The following PTPRA variants were observed in gnomAD, a reference collection of about 807,000 sequenced individuals.
PTPRA encodes protein tyrosine phosphatase receptor type A.
A neutral mutation model predicts 104.8 loss-of-function variants in PTPRA; 25 were observed. The observed-to-expected ratio is 0.24, with a 90% CI of 0.17 to 0.33. The LOEUF (loss-of-function observed/expected upper bound fraction) is 0.33. Among genes scored for constraint, PTPRA ranks in the 10% least tolerant of loss-of-function variants. PTPRA has a pLI of 1.00. For missense variants in PTPRA, 765 were observed against 1,015.3 expected (o/e 0.75, Z 3.35); for synonymous variants, 323 against 368.9 (o/e 0.88, Z 1.43).
intron 11 of PTPRA, among the ~76,000 whole-genome samples, chr20:3,011,218 A>G (rs2064154449): frequency 6.6e-6 from 1 of 152,230 alleles, no homozygotes; most frequent in Non-Finnish European, 1.5e-5. Context: ...GGGGGACCTT[A>G]TGAACTCAGT....
rs769729759 is a variant in PTPRA at position 2,965,140 on chromosome 20, C to A, written c.353C>A (p.Thr118Lys). 1.2e-6 allele frequency: 2 copies of A among 1,614,198 alleles called. No individual in the cohort carries two copies. Among genetic ancestry groups the A allele is most frequent in the Non-Finnish European group, 1.7e-6 (2 of 1,180,022 alleles). Reference sequence around the variant, plus strand: ...GATAACCAGTTCACGGATGCCAGAACAGAACCCTGGGAGGGGAATTCCAGC... The same window carrying A: ...GATAACCAGTTCACGGATGCCAGAAAAGAACCCTGGGAGGGGAATTCCAGC... ...LPDNQFTDAR[T>K]EPWEGNSSTA... Residue 118 changes from threonine to lysine, a missense_variant, in exon 5 of 24, where the codon ACA becomes AAA. Around this residue, in one of 4 missense-constraint regions of PTPRA, gnomAD observed 256 missense variants for 248.9 expected, o/e 1.03. Coordinates refer to ENST00000399903, the MANE Select transcript of PTPRA (RefSeq NM_001385305.1).
At chr20:2,973,353 T>C (rs925477643) in intron 5 of PTPRA, among the ~76,000 whole-genome samples, 2 of 152,238 alleles carry the variant, frequency 1.3e-5, no homozygotes, top group African/African-American at 4.8e-5. Flanking sequence ...TTAACATATT[T>C]AGTGCTGTGA....
chr20:2,980,593 T>A (rs2148073446), intron 6 of PTPRA, among the ~76,000 whole-genome samples: 1 of 151,872 alleles, frequency 6.6e-6, no homozygotes, highest in East Asian at 1.9e-4. Context: ...CTCACGCACA[T>A]AATCATAGCA....
chr20:2,937,344 C>T (rs1360606529), intron 2 of PTPRA, among the ~76,000 whole-genome samples: 2 of 151,938 alleles, frequency 1.3e-5, no homozygotes, highest in African/African-American at 2.4e-5. Flanking sequence ...AGGATGGTCT[C>T]GATTTCCTGA....
intron 2 of PTPRA, among the ~76,000 whole-genome samples, chr20:2,927,017 C>G (rs1010947349): frequency 2.0e-5 from 3 of 152,018 alleles, no homozygotes; most frequent in Non-Finnish European, 4.4e-5. Flanking sequence ...TCTCAAACTT[C>G]TGGCCTCAAG....
At chr20:2,913,903 G>A (rs2059806923) in intron 1 of PTPRA, among the ~76,000 whole-genome samples, 1 of 151,928 alleles carries the variant, frequency 6.6e-6, no homozygotes, top group Non-Finnish European at 1.5e-5. Flanking sequence ...AAATTTTTTT[G>A]CTGGATTATT....
chr20:2,949,909 T>C (rs1239148291), intron 3 of PTPRA, among the ~76,000 whole-genome samples: 1 of 152,172 alleles, frequency 6.6e-6, no homozygotes, highest in Non-Finnish European at 1.5e-5. Flanking sequence ...AAAATATCCT[T>C]GTATATCTTG....
At chr20:3,001,301 AAC>A (rs2063614911) in intron 9 of PTPRA, among the ~76,000 whole-genome samples, 1 of 152,198 alleles carries the variant, frequency 6.6e-6, no homozygotes, top group Non-Finnish European at 1.5e-5. Context: ...TCTCTTGTTA[AAC>A]AATGGCTCCT....
rs138893918 is a variant in PTPRA, at chr20:3,001,160, C to T, written c.739-3896C>T. 7.0e-4 allele frequency among the ~76,000 whole-genome samples: 107 copies of T among 152,330 alleles called. 1 individual carries two copies. The East Asian group carries it at 0.019, about 27-fold the overall frequency. ...TTCTGCTCTAGCTGCTCCTTCCTAGCTCTGTGAGCTAGGTTTTTCAGAGTA... is the reference window on the plus strand; with the variant it reads ...TTCTGCTCTAGCTGCTCCTTCCTAGTTCTGTGAGCTAGGTTTTTCAGAGTA... On this transcript the variant is annotated intron_variant, in intron 9 of 23. Coordinates refer to ENST00000399903, the MANE Select transcript of PTPRA (RefSeq NM_001385305.1).
intron 1 of PTPRA, among the ~76,000 whole-genome samples, chr20:2,888,853 G>A (rs1181304217): frequency 6.6e-6 from 1 of 152,188 alleles, no homozygotes; most frequent in African/African-American, 2.4e-5. Context: ...AGATAGGAGA[G>A]TTTTATGTTT....
At position 2,923,263 on chromosome 20, in the gene PTPRA, A is replaced by G. The variant is rs2060162721; in HGVS notation, c.-72A>G. On this transcript the variant is annotated 5_prime_UTR_variant, in exon 2 of 24. It removes an upstream start codon present in the reference 5' UTR. Transcript: ENST00000399903. ...ATGGAATTCCACTGAGTGGTAATGG[A>G]TGATGCAGTTCAAATAACTAAGGTA... 2 of 1,286,052 alleles carry G rather than the reference A, an allele frequency of 1.6e-6. No homozygotes were observed. The highest frequency in any genetic ancestry group is 2.0e-6 in the Non-Finnish European group (2 of 987,384). 79.7% of individuals were successfully genotyped at this position (1,286,052 alleles called of 1,614,324 possible).
intron 2 of PTPRA, among the ~76,000 whole-genome samples, chr20:2,927,758 C>G (rs1299712242): frequency 6.6e-6 from 1 of 152,132 alleles, no homozygotes; most frequent in Non-Finnish European, 1.5e-5. Context: ...GCCTGTAACC[C>G]CAGCACTTTG....
At chr20:3,029,528 G>T (rs1315935674) in intron 20 of PTPRA, among the ~76,000 whole-genome samples, 2 of 82,388 alleles carry the variant, frequency 2.4e-5, no homozygotes, top group Non-Finnish European at 4.6e-5. Context: ...ATACTTTGTA[G>T]GTCTTCATCA....
At chr20:2,988,269 C>T (rs1310298180) in intron 8 of PTPRA, 69 bp from the exon 9 acceptor site, 5 of 1,557,188 alleles carry the variant, frequency 3.2e-6, no homozygotes, top group African/African-American at 1.4e-5. Flanking sequence ...GGTAGAACCC[C>T]GTTTAGCCTC....
At position 2,879,964 on chromosome 20, in the gene PTPRA, A is replaced by G. The variant is rs147957589; in HGVS notation, c.-129+6204A>G. Among the ~76,000 whole-genome samples the G allele has an allele frequency of 2.7e-3, 406 of 152,310 alleles. 3 individuals carry two copies. The highest frequency in any genetic ancestry group is 8.7e-3 in the African/African-American group (361 of 41,572). ...CCATTGTTAAGTGATGCATACCTGTATATATATTTTAACTCCCCAGGTGAT... is the reference window on the plus strand; with the variant it reads ...CCATTGTTAAGTGATGCATACCTGTGTATATATTTTAACTCCCCAGGTGAT... On this transcript the variant is annotated intron_variant, in intron 1 of 23. Transcript: ENST00000399903.
intron 13 of PTPRA, among the ~76,000 whole-genome samples, chr20:3,019,798 G>T: frequency 1.3e-5 from 2 of 152,150 alleles, no homozygotes; most frequent in Admixed American, 6.5e-5. Flanking sequence ...AGCACTGAGT[G>T]AACGAGACTC....
intron 9 of PTPRA, among the ~76,000 whole-genome samples, chr20:2,994,159 A>G (rs2063304019): frequency 6.6e-6 from 1 of 152,314 alleles, no homozygotes; most frequent in East Asian, 1.9e-4. Context: ...GCCATGGCAA[A>G]TATCTGCAGA....
intron 1 of PTPRA, among the ~76,000 whole-genome samples, chr20:2,910,593 TTTTTTTGTTTTTTTTAA>T (rs2059680933): frequency 3.1e-5 from 4 of 127,100 alleles, no homozygotes; most frequent in Non-Finnish European, 4.8e-5. Context: ...TTTTTTGTTT[TTTTTTTGTTTTTTTTAA>T]TTTTTTTTTT....
At chr20:2,949,310 T>C (rs1178348355) in intron 3 of PTPRA, among the ~76,000 whole-genome samples, 1 of 151,658 alleles carries the variant, frequency 6.6e-6, no homozygotes, top group Non-Finnish European at 1.5e-5. Context: ...AGATTTTCTT[T>C]TTTTTTTTTT....
Sources: allele counts gnomAD v4.1 joint callset (sites outside exome capture counted in the v4.1 genomes callset), GRCh38; gene constraint gnomAD v4.1.1; regional missense constraint gnomAD v4.1.1; transcripts MANE v1.5; gene names NCBI Gene and HGNC (gene_info 2026-07-23, HGNC 2026-07-21).